The following SLC26A4 variants were observed in gnomAD, a reference collection of about 807,000 sequenced individuals.
The protein encoded by SLC26A4 is solute carrier family 26 member 4.
In SLC26A4, 93 loss-of-function variants were observed where a neutral mutation model predicts 90.4. The ratio of observed to expected loss-of-function variants is 1.03; its 90% CI spans 0.87 to 1.22. The LOEUF (loss-of-function observed/expected upper bound fraction) is 1.22. Ranked by LOEUF, SLC26A4 falls within the 50% of genes most tolerant of loss-of-function variation. The pLI, the probability that SLC26A4 is intolerant of heterozygous loss-of-function variation, is 0.00. For synonymous variants in SLC26A4, 393 were observed against 354.6 expected (o/e 1.11, Z -1.22); for missense variants, 1,127 against 946.2 (o/e 1.19, Z -2.51).
At chr7:107,662,402 T>C (rs1396450979) in intron 2 of SLC26A4, among the ~76,000 whole-genome samples, 1 of 152,168 alleles carries the variant, frequency 6.6e-6, no homozygotes, top group Non-Finnish European at 1.5e-5. Context: ...CCTTTCATTA[T>C]AGAACATTTC....
intron 10 of SLC26A4, among the ~76,000 whole-genome samples, chr7:107,690,785 G>C (rs1040499797): frequency 1.3e-5 from 2 of 152,056 alleles, no homozygotes; most frequent in Non-Finnish European, 2.9e-5. Context: ...CTGCATGTGG[G>C]TTTAATCTTA....
Position 107,710,163 on chromosome 7 carries a change from G to C in SLC26A4, c.2199G>C (p.Val733=), listed in dbSNP as rs748146381. 6.2e-7 allele frequency: 1 copy of C among 1,608,266 alleles called. No individual in the cohort carries two copies. ...HDAILYLQNQ[V]KSQEGQGSIL... is the part of the protein sequence containing the mutation. ...CTATACTCTATCTACAGAACCAAGT[G>C]AAATCTCAAGAGGGTCAAGGTTCCA... The change falls in exon 19 of 21, where the codon GTG becomes GTC. Residue 733 remains valine (V), a synonymous_variant. Coordinates refer to ENST00000644269, the MANE Select transcript of SLC26A4 (RefSeq NM_000441.2).
At chr7:107,696,724 G>A (rs1320504380) in intron 13 of SLC26A4, among the ~76,000 whole-genome samples, 1 of 152,188 alleles carries the variant, frequency 6.6e-6, no homozygotes, top group African/African-American at 2.4e-5. Context: ...AGCCTGTGAG[G>A]GAAGGTGAGG....
chr7:107,674,801 T>C (rs1254618715), intron 5 of SLC26A4, 144 bp from the exon 6 acceptor site: 2 of 749,716 alleles, frequency 2.7e-6, no homozygotes, highest in Non-Finnish European at 4.6e-6. Context: ...TATTAAGAAA[T>C]TCATATTTTT....
intron 14 of SLC26A4, among the ~76,000 whole-genome samples, chr7:107,699,319 A>T (rs1791824016): frequency 6.6e-6 from 1 of 152,152 alleles, no homozygotes; most frequent in Admixed American, 6.5e-5. Flanking sequence ...AAAGTCTATG[A>T]TTCTGTGATT....
chr7:107,690,706 T>G (rs1373862563), intron 10 of SLC26A4, among the ~76,000 whole-genome samples: 1 of 152,212 alleles, frequency 6.6e-6, no homozygotes, highest in Non-Finnish European at 1.5e-5. Flanking sequence ...AACAGTTTGC[T>G]AGCCAAGAAT....
chr7:107,682,025 C>A (rs1303854733), intron 6 of SLC26A4, among the ~76,000 whole-genome samples: 3 of 147,686 alleles, frequency 2.0e-5, no homozygotes, highest in African/African-American at 7.6e-5. Context: ...GTAGCTCCAG[C>A]TACTCTGGAG....
rs974620473 is a variant in SLC26A4, at chr7:107,681,811, G to A, written c.766-1391G>A. ...ACTTAAAGATTTTTTTTGGCCAGTTGTGGTAGCTCATGCCTGTAACCCCAA... is the reference window on the plus strand; with the variant it reads ...ACTTAAAGATTTTTTTTGGCCAGTTATGGTAGCTCATGCCTGTAACCCCAA... On this transcript the variant is annotated intron_variant, in intron 6 of 20. Coordinates refer to ENST00000644269, the MANE Select transcript of SLC26A4 (RefSeq NM_000441.2). Among the ~76,000 whole-genome samples the A allele has an allele frequency of 2.6e-5, 4 of 151,844 alleles. No individual in the cohort carries two copies. The East Asian group carries it at 7.7e-4, about 29-fold the overall frequency.
chr7:107,672,013 C>A, intron 3 of SLC26A4, 125 bp from the exon 4 acceptor site: 1 of 709,080 alleles, frequency 1.4e-6, no homozygotes, highest in Non-Finnish European at 2.6e-6. Flanking sequence ...ATGGTTTCTA[C>A]TGAATGCATA....
intron 6 of SLC26A4, 111 bp downstream of exon 6, chr7:107,675,220 C>A: frequency 1.0e-6 from 1 of 978,476 alleles, no homozygotes. Flanking sequence ...AATCCCAGCA[C>A]TTTGGAAGGC....
rs1791912796 is a variant in SLC26A4 at position 107,702,161 on chromosome 7, T to C, written c.2034+104T>C. 3 of 775,982 alleles carry C rather than the reference T, an allele frequency of 3.9e-6. No individual in the cohort carries two copies. In the South Asian group the frequency reaches 4.4e-5, roughly 11 times the overall value. The allele number at this position is 775,982 out of a possible 1,614,324, so 48.1% of individuals were successfully genotyped here. On this transcript the variant is annotated intron_variant, in intron 17 of 20. Coordinates refer to ENST00000644269, the MANE Select transcript of SLC26A4 (RefSeq NM_000441.2). The stretch of plus-strand genomic sequence containing the variant: ...AGGGCAAATACATGGGCTTTGTAAT[T>C]TTTCTAGGTGAATGCTTTTGTAAAA...
At position 107,702,057 on chromosome 7, in the gene SLC26A4, G is replaced by A. The variant is rs1048663788; in HGVS notation, c.2034G>A (p.Val678=). 7 of 1,596,560 alleles carry A rather than the reference G, an allele frequency of 4.4e-6. No individual in the cohort carries two copies. The African/African-American group carries it at 9.4e-5, about 21-fold the overall frequency. ...TTGTTGGAGTGAGATCACTGCGGGTGGTAAGGTTCTGGTTTTCTGAATTAT... is the reference window on the plus strand; with the variant it reads ...TTGTTGGAGTGAGATCACTGCGGGTAGTAAGGTTCTGGTTTTCTGAATTAT... ...LDVVGVRSLR[V]IVKEFQRIDV... is the part of the protein sequence containing the mutation. Residue 678 remains valine (V), a splice_region_variant and synonymous_variant, in exon 17 of 21, where the codon GTG becomes GTA. Coordinates refer to ENST00000644269, the MANE Select transcript of SLC26A4 (RefSeq NM_000441.2).
At chr7:107,669,919 TG>T (rs1206667851) in intron 3 of SLC26A4, among the ~76,000 whole-genome samples, 1 of 152,148 alleles carries the variant, frequency 6.6e-6, no homozygotes, top group Non-Finnish European at 1.5e-5. Context: ...TCAGGATAAT[TG>T]TTGCCTTCTG....
chr7:107,665,526 C>T (rs548766875), intron 3 of SLC26A4, among the ~76,000 whole-genome samples: 7 of 152,160 alleles, frequency 4.6e-5, no homozygotes, highest in African/African-American at 1.7e-4. Flanking sequence ...TCAGCAGGTG[C>T]CTAGCACAGA....
At chr7:107,675,225 G>C in intron 6 of SLC26A4, 116 bp downstream of exon 6, 1 of 947,986 alleles carries the variant, frequency 1.1e-6, no homozygotes, top group South Asian at 1.3e-5. Context: ...CAGCACTTTG[G>C]AAGGCCGAGG....
intron 3 of SLC26A4, among the ~76,000 whole-genome samples, chr7:107,665,859 G>T (rs1161945181): frequency 6.6e-6 from 1 of 152,182 alleles, no homozygotes; most frequent in Non-Finnish European, 1.5e-5. Context: ...TTTTAATCCG[G>T]TGTCTATTGT....
intron 18 of SLC26A4, among the ~76,000 whole-genome samples, chr7:107,708,840 G>T (rs12705418): frequency 0.47 from 70,194 of 150,516 alleles, 16,611 homozygotes; most frequent in East Asian, 0.63. Flanking sequence ...ATTGACAATG[G>T]GGGGATGTTG....
intron 18 of SLC26A4, among the ~76,000 whole-genome samples, chr7:107,707,805 AT>A (rs1263520337): frequency 1.3e-5 from 2 of 152,316 alleles, no homozygotes; most frequent in African/African-American, 4.8e-5. Flanking sequence ...TCTTTTACAG[AT>A]TCTTTAAGAA....
intron 19 of SLC26A4, 129 bp downstream of exon 19, chr7:107,710,328 G>GTTT: frequency 2.8e-6 from 2 of 719,770 alleles, no homozygotes; most frequent in South Asian, 3.1e-5. Flanking sequence ...TGGAGCCTCA[G>GTTT]TTTTTTCATC....
Sources: allele counts gnomAD v4.1 joint callset (sites outside exome capture counted in the v4.1 genomes callset), GRCh38; gene constraint gnomAD v4.1.1; transcripts MANE v1.5; gene names NCBI Gene and HGNC (gene_info 2026-07-23, HGNC 2026-07-21).